Variants in NCAPD3 observed in about 807,000 individuals in gnomAD.
NCAPD3 encodes non-SMC condensin II complex subunit D3.
Under a neutral mutation model 182.9 loss-of-function variants are expected in NCAPD3, and 105 were observed. The observed-to-expected ratio is 0.57, with a 90% confidence interval of 0.49 to 0.68. NCAPD3 has a LOEUF of 0.68. Among genes scored for constraint, NCAPD3 ranks in the 30% least tolerant of loss-of-function variants. NCAPD3 has a pLI of 0.00. For synonymous variants in NCAPD3, 815 were observed against 679.9 expected (o/e 1.20, Z -3.09); for missense variants, 1,944 against 1,837.0 (o/e 1.06, Z -1.07).
rs1943272659 is a variant in NCAPD3 at position 134,152,468 on chromosome 11, A to G, written c.*476T>C. On this transcript the variant is annotated 3_prime_UTR_variant, in exon 35 of 35. Transcript: ENST00000534548. ...GCTGTATTTATGCTAAACCTTTATT[A>G]CTTTTAGAAAGCTGTACACTTTTTT... 1 of 152,510 alleles carries G rather than the reference A, an allele frequency of 6.6e-6. No homozygotes were observed. The highest frequency in any genetic ancestry group is 2.1e-4 in the South Asian group (1 of 4,830). 9.4% of individuals were successfully genotyped at this position (152,510 alleles called of 1,614,324 possible).
At position 134,208,934 on chromosome 11, in the gene NCAPD3, TTTGC is replaced by T; in HGVS notation, c.808_811del (p.Ala270AsnfsTer36). ...ATAATAAGCCAGTTCTGGTATGTAT[TTTGC>T]TTGGTTAAGAGCTCTAAAAAAAAAA... On this transcript the variant is annotated frameshift_variant, in exon 7 of 35. Coordinates refer to ENST00000534548, the MANE Select transcript of NCAPD3 (RefSeq NM_015261.3). LOFTEE classifies it high-confidence loss of function. 2 of 1,610,792 alleles carry T rather than the reference TTTGC, an allele frequency of 1.2e-6. No individual in the cohort carries two copies. Among genetic ancestry groups the T allele is most frequent in the Non-Finnish European group, 1.7e-6 (2 of 1,178,836 alleles).
Position 134,178,994 on chromosome 11 carries a change from T to C in NCAPD3, c.2560-58A>G, listed in dbSNP as rs1591838492. ...AGGCAAAAGAAAAGTGAACTCTAGC[T>C]AGATTAAGGACATGTCAATGGAGTA... On this transcript the variant is annotated intron_variant, in intron 20 of 34. Coordinates refer to ENST00000534548, the MANE Select transcript of NCAPD3 (RefSeq NM_015261.3). The C allele has an allele frequency of 1.7e-5, 19 of 1,135,286 alleles. No homozygotes were observed. The East Asian group carries it at 3.6e-4, about 22-fold the overall frequency. The allele number at this position is 1,135,286 out of a possible 1,614,324, so 70.3% of individuals were successfully genotyped here. A position where few individuals can be genotyped will look rare whatever the true frequency, so the allele number is the denominator to read the frequency against.
chr11:134,190,793 T>C (rs575401912), intron 16 of NCAPD3, among the ~76,000 whole-genome samples: 1 of 152,312 alleles, frequency 6.6e-6, no homozygotes, highest in Non-Finnish European at 1.5e-5. Context: ...GGCCCTTTAG[T>C]GGAGAGGTGG....
rs373816631 is a variant in NCAPD3 at position 134,160,952 on chromosome 11, T to TG, written c.3684+828_3684+829insC. On this transcript the variant is annotated intron_variant, in intron 28 of 34. Transcript: ENST00000534548. ...AGGATCAAAGCTCTGTTTTTGTTTT[T>TG]TTTTTTCCTTTCTAGGGTCTAAAGT... 4.3e-3 allele frequency among the ~76,000 whole-genome samples: 651 copies of TG among 152,110 alleles called. 4 individuals carry two copies. Among genetic ancestry groups the TG allele is most frequent in the African/African-American group, 0.015 (603 of 41,470 alleles).
chr11:134,152,314 C>A lies in NCAPD3; in HGVS notation c.*630G>T, dbSNP rs1943265228. 1 of 152,228 alleles carries A rather than the reference C, an allele frequency of 6.6e-6. No individual in the cohort carries two copies. The highest frequency in any genetic ancestry group is 1.5e-5 in the Non-Finnish European group (1 of 68,036). The allele number at this position is 152,228 out of a possible 1,614,324, so 9.4% of individuals were successfully genotyped here. On this transcript the variant is annotated 3_prime_UTR_variant, in exon 35 of 35. Coordinates refer to ENST00000534548, the MANE Select transcript of NCAPD3 (RefSeq NM_015261.3). ...CAGATGAACTGCCCTTCAAGACAAT[C>A]ATCTTTTTTCTAATAGGGAAGATTT... is the stretch of plus-strand genomic sequence containing the variant.
In NCAPD3 at chr11:134,183,774, T is replaced by C. The variant is rs78356102; in HGVS notation, c.2451+863A>G. Among the ~76,000 whole-genome samples the C allele has an allele frequency of 8.9e-3, 1,353 of 152,294 alleles. 12 individuals are homozygous for C. The highest frequency in any genetic ancestry group is 0.017 in the Middle Eastern group (5 of 294). On this transcript the variant is annotated intron_variant, in intron 19 of 34. Coordinates refer to ENST00000534548, the MANE Select transcript of NCAPD3 (RefSeq NM_015261.3). Reference sequence around the variant, plus strand: ...ACAATCATTGTTTTAGTTGATCTGTTAGAAGTAGAAAATGTAACATCTTAA... The same window carrying C: ...ACAATCATTGTTTTAGTTGATCTGTCAGAAGTAGAAAATGTAACATCTTAA...
At position 134,208,886 on chromosome 11, in the gene NCAPD3, G is replaced by C. The variant is rs1401114810; in HGVS notation, c.860C>G (p.Pro287Arg). Residue 287 changes from proline (P) to arginine (R), a missense_variant, in exon 7 of 35, where the codon CCC becomes CGC. By Grantham distance (103) the Pro-to-Arg change is moderately radical. Around this residue, in one of 3 missense-constraint regions of NCAPD3, gnomAD observed 1,803 missense variants for 1,674.6 expected, o/e 1.08. Transcript: ENST00000534548. ...TACCTTATCTCCTTCTCCATGAATG[G>C]GAGAGCACAGCAAATACAATCCATA... ...AYYGLYLLCS[P>R]IHGEGDKVIS... 3 of 1,612,418 alleles carry C rather than the reference G, an allele frequency of 1.9e-6. No homozygotes were observed. The highest frequency in any genetic ancestry group is 2.5e-6 in the Non-Finnish European group (3 of 1,179,418).
At chr11:134,196,658 A>G (rs539363836) in intron 13 of NCAPD3, among the ~76,000 whole-genome samples, 142 of 151,220 alleles carry the variant, frequency 9.4e-4, no homozygotes, top group Admixed American at 4.5e-3. Flanking sequence ...AAAAAAAAAA[A>G]AAAAGAAAAG....
rs578054277 is a variant in NCAPD3, at chr11:134,151,755, C to G, written c.*1189G>C. The G allele has an allele frequency of 6.6e-5, 10 of 152,322 alleles. No individual in the cohort carries two copies. The East Asian group carries it at 1.9e-3, about 29-fold the overall frequency. The allele number at this position is 152,322 out of a possible 1,614,324, so 9.4% of individuals were successfully genotyped here. A position where few individuals can be genotyped will look rare whatever the true frequency, so the allele number is the denominator to read the frequency against. On this transcript the variant is annotated 3_prime_UTR_variant, in exon 35 of 35. Coordinates refer to ENST00000534548, the MANE Select transcript of NCAPD3 (RefSeq NM_015261.3). ...TATAAAAGCTTCAAAAAAACCCAAA[C>G]ATTGCTTCATTCTTTGTTATTTGCT...
At chr11:134,187,017 G>GA (rs1396949251) in intron 16 of NCAPD3, among the ~76,000 whole-genome samples, 1 of 152,092 alleles carries the variant, frequency 6.6e-6, no homozygotes. Context: ...ACAGAATTGG[G>GA]AAAAAATCCT....
intron 34 of NCAPD3, 35 bp downstream of exon 34, chr11:134,153,105 A>C (rs1340996144): frequency 8.1e-6 from 13 of 1,612,640 alleles, no homozygotes; most frequent in Non-Finnish European, 1.1e-5. Context: ...CCCTGACAGA[A>C]ACATCCACCT....
chr11:134,178,676 C>G lies in NCAPD3; in HGVS notation c.2740G>C (p.Val914Leu), dbSNP rs1480948037. ...SQPPPQVRGSVMPSVIRAHAI... is the reference protein window; with the variant it reads ...SQPPPQVRGSLMPSVIRAHAI... ...TGTGCTCTAATCACAGAGGGCATGA[C>G]AGAACCTCTGACCTGGGGGGGTGGC... The change falls in exon 22 of 35, where the codon GTC becomes CTC. Residue 914 changes from valine to leucine, a missense_variant. Around this residue, in one of 3 missense-constraint regions of NCAPD3, gnomAD observed 1,803 missense variants for 1,674.6 expected, o/e 1.08. Coordinates refer to ENST00000534548, the MANE Select transcript of NCAPD3 (RefSeq NM_015261.3). 8.8e-6 allele frequency: 14 copies of G among 1,596,774 alleles called. No individual in the cohort carries two copies. Among genetic ancestry groups the G allele is most frequent in the African/African-American group, 1.3e-5 (1 of 74,538 alleles).
chr11:134,167,471 C>T (rs1286564618), intron 27 of NCAPD3, among the ~76,000 whole-genome samples: 1 of 134,048 alleles, frequency 7.5e-6, no homozygotes, highest in African/African-American at 2.8e-5. Context: ...CGCACACTCA[C>T]TTGTGAGATG....
At chr11:134,160,479 AG>A (rs1943547242) in intron 28 of NCAPD3, among the ~76,000 whole-genome samples, 2 of 152,276 alleles carry the variant, frequency 1.3e-5, no homozygotes, top group South Asian at 4.1e-4. Flanking sequence ...CAGCCTCTGG[AG>A]CAAGTCCCAG....
intron 27 of NCAPD3, among the ~76,000 whole-genome samples, chr11:134,164,683 CACTT>C (rs1943707492): frequency 6.7e-6 from 1 of 149,908 alleles, no homozygotes; most frequent in Non-Finnish European, 1.5e-5. Context: ...GCTGCACACT[CACTT>C]GTAAAATAAG....
chr11:134,154,601 CCTGGGTGGTG>C (rs1943366886), intron 32 of NCAPD3, among the ~76,000 whole-genome samples: 1 of 150,420 alleles, frequency 6.6e-6, no homozygotes, highest in Non-Finnish European at 1.5e-5. Context: ...CCTCGCCCCT[CCTGGGTGGTG>C]CAGCCTCGCC....
chr11:134,174,445 G>A (rs1028878593), intron 24 of NCAPD3, among the ~76,000 whole-genome samples: 12 of 148,476 alleles, frequency 8.1e-5, no homozygotes, highest in East Asian at 2.0e-4. Context: ...GCAGATAGGC[G>A]TAGCCTTTGG....
rs192842827 is a variant in NCAPD3 at position 134,197,478 on chromosome 11, T to C, written c.1616-2740A>G. ...TTTTGGTAGAGATGGGGTTTCACCATGTTGGCCAGACTGGTCTCGAACTCC... is the reference window on the plus strand; with the variant it reads ...TTTTGGTAGAGATGGGGTTTCACCACGTTGGCCAGACTGGTCTCGAACTCC... On this transcript the variant is annotated intron_variant, in intron 13 of 34. Coordinates refer to ENST00000534548, the MANE Select transcript of NCAPD3 (RefSeq NM_015261.3). Among the ~76,000 whole-genome samples, 17 of 152,214 alleles carry C rather than the reference T, an allele frequency of 1.1e-4. No individual in the cohort carries two copies. In the East Asian group the frequency reaches 2.5e-3, roughly 23 times the overall value.
intron 28 of NCAPD3, among the ~76,000 whole-genome samples, chr11:134,160,965 T>C (rs1343626227): frequency 6.6e-6 from 1 of 151,966 alleles, no homozygotes; most frequent in Admixed American, 6.6e-5. Context: ...TTTTCCTTTC[T>C]AGGGTCTAAA....
Sources: gnomAD v4.1 joint callset for allele counts (sites outside exome capture counted in the v4.1 genomes callset) on GRCh38, gnomAD v4.1.1 for gene constraint, gnomAD v4.1.1 regional missense constraint, MANE v1.5 for transcripts, NCBI Gene and HGNC (gene_info 2026-07-23, HGNC 2026-07-21) for gene names.